Variants in CCDC152 observed in about 807,000 individuals in gnomAD.
CCDC152 encodes the protein coiled-coil domain containing 152.
In CCDC152, 37 loss-of-function variants were observed where a neutral mutation model predicts 38.1. That is an observed-to-expected ratio of 0.97 (90% confidence interval 0.75 to 1.28). The LOEUF is 1.28. Among genes scored for constraint, CCDC152 ranks in the 50% most tolerant of loss-of-function variants. The pLI is 0.00. For synonymous variants in CCDC152, 83 were observed against 87.1 expected (o/e 0.95, Z 0.26); for missense variants, 259 against 292.1 (o/e 0.89, Z 0.83).
chr5:42,801,187 G>A lies in CCDC152; in HGVS notation c.*1406G>A. On this transcript the variant is annotated 3_prime_UTR_variant, in exon 9 of 9. Coordinates refer to ENST00000361970, the MANE Select transcript of CCDC152 (RefSeq NM_001134848.2). Reference sequence around the variant, plus strand: ...GGAGCATTTGGTGCTCCTGGTTGCTGATTCTCTGAAAGCTCACTGCTGCCA... The same window carrying A: ...GGAGCATTTGGTGCTCCTGGTTGCTAATTCTCTGAAAGCTCACTGCTGCCA... The A allele has an allele frequency of 1.9e-6, 3 of 1,614,142 alleles. No homozygotes were observed. The highest frequency in any genetic ancestry group is 2.5e-6 in the Non-Finnish European group (3 of 1,180,022).
chr5:42,758,745 CAA>C (rs1171316872), intron 1 of CCDC152, among the ~76,000 whole-genome samples: 1 of 152,096 alleles, frequency 6.6e-6, no homozygotes, highest in African/African-American at 2.4e-5. Context: ...GTTTACCAAA[CAA>C]AATATAAGAA....
At chr5:42,798,667 C>G (rs776759695) in intron 7 of CCDC152, among the ~76,000 whole-genome samples, 7 of 152,164 alleles carry the variant, frequency 4.6e-5, no homozygotes, top group Non-Finnish European at 8.8e-5. Flanking sequence ...TTTCATTGTA[C>G]CTAACCATTT....
chr5:42,787,307 T>C (rs1425520506), intron 6 of CCDC152, among the ~76,000 whole-genome samples: 1 of 152,036 alleles, frequency 6.6e-6, no homozygotes, highest in African/African-American at 2.4e-5. Context: ...ATTTTAAAAT[T>C]CCTTTAGTGA....
rs558651120 is a variant in CCDC152 at position 42,769,646 on chromosome 5, A to C, written c.243A>C (p.Glu81Asp). 3 of 1,488,038 alleles carry C rather than the reference A, an allele frequency of 2.0e-6. No individual in the cohort carries two copies. The South Asian group carries it at 4.1e-5, about 20-fold the overall frequency. 92.2% of individuals were successfully genotyped at this position (1,488,038 alleles called of 1,614,324 possible). ...TAAAAGGGCTACAACAGACCATTGA[A>C]TATCAACAGAATTTGAAAGGTAAGT... Reference protein sequence around the residue: ...NIIKGLQQTIEYQQNLKGENE... With the variant: ...NIIKGLQQTIDYQQNLKGENE... Residue 81 changes from glutamate to aspartate, a missense_variant, in exon 4 of 9, where the codon GAA (glutamate) becomes GAC (aspartate). Coordinates refer to ENST00000361970, the MANE Select transcript of CCDC152 (RefSeq NM_001134848.2).
Position 42,799,665 on chromosome 5 carries a change from CA to C in CCDC152, c.650del (p.Gln217ArgfsTer21). On this transcript the variant is annotated frameshift_variant, in exon 9 of 9. Coordinates refer to ENST00000361970, the MANE Select transcript of CCDC152 (RefSeq NM_001134848.2). LOFTEE classifies it high-confidence loss of function. ...LPQSIYRRKLQHFQEEKNKEI... is the reference protein window; with the variant it reads ...LPQSIYRRKLXHFQEEKNKEI... The stretch of plus-strand genomic sequence containing the variant: ...AATTTTTTGTTTCGTTTAGAAACTT[CA>C]GCATTTTCAAGAAGAAAAAAACAAG... The C allele has an allele frequency of 6.5e-7, 1 of 1,544,086 alleles. No individual in the cohort carries two copies. Among genetic ancestry groups the C allele is most frequent in the Non-Finnish European group, 8.7e-7 (1 of 1,143,342 alleles).
intron 6 of CCDC152, among the ~76,000 whole-genome samples, chr5:42,793,406 C>T (rs1207397848): frequency 6.6e-6 from 1 of 152,034 alleles, no homozygotes; most frequent in Non-Finnish European, 1.5e-5. Context: ...CTATACGCCT[C>T]AAAAGAGATT....
rs1760214972 is a variant in CCDC152 at position 42,801,935 on chromosome 5, TA to T, written c.*2160del. On this transcript the variant is annotated 3_prime_UTR_variant, in exon 9 of 9. Coordinates refer to ENST00000361970, the MANE Select transcript of CCDC152 (RefSeq NM_001134848.2). ...CTATCTCAAAAAAATAAAAAATAAATAAAAAATCAGTTGAACTATATGGAAA... is the reference window on the plus strand; with the variant it reads ...CTATCTCAAAAAAATAAAAAATAAATAAAAATCAGTTGAACTATATGGAAA... The T allele has an allele frequency of 6.6e-6, 1 of 152,100 alleles. No individual in the cohort carries two copies. Among genetic ancestry groups the T allele is most frequent in the Non-Finnish European group, 1.5e-5 (1 of 68,074 alleles). 9.4% of individuals were successfully genotyped at this position (152,100 alleles called of 1,614,324 possible).
chr5:42,799,920 G>T lies in CCDC152; in HGVS notation c.*139G>T. On this transcript the variant is annotated 3_prime_UTR_variant, in exon 9 of 9. Coordinates refer to ENST00000361970, the MANE Select transcript of CCDC152 (RefSeq NM_001134848.2). ...TTATTGAATTTATTTGGACAAATCC[G>T]TACTGTATCCAATTCTGTACTGCAT... The T allele has an allele frequency of 1.1e-6, 1 of 931,442 alleles. No individual in the cohort carries two copies. Among genetic ancestry groups the T allele is most frequent in the Non-Finnish European group, 1.6e-6 (1 of 619,894 alleles). 57.7% of individuals were successfully genotyped at this position (931,442 alleles called of 1,614,324 possible). A position where few individuals can be genotyped will look rare whatever the true frequency, so the allele number is the denominator to read the frequency against.
chr5:42,781,195 C>T (rs1291271587), intron 5 of CCDC152, among the ~76,000 whole-genome samples: 1 of 152,166 alleles, frequency 6.6e-6, no homozygotes, highest in Admixed American at 6.5e-5. Flanking sequence ...GCTTAGTGCA[C>T]ACAGTTGTCA....
At chr5:42,766,206 A>C (rs181493910) in intron 3 of CCDC152, among the ~76,000 whole-genome samples, 12 of 152,338 alleles carry the variant, frequency 7.9e-5, no homozygotes, top group Admixed American at 3.3e-4. Context: ...AATCAAAACT[A>C]TAATGAAATC....
chr5:42,768,825 G>C (rs1311318544), intron 3 of CCDC152, among the ~76,000 whole-genome samples: 1 of 152,178 alleles, frequency 6.6e-6, no homozygotes, highest in Non-Finnish European at 1.5e-5. Flanking sequence ...TAGTTCCCCA[G>C]ATATATGCAG....
At position 42,797,874 on chromosome 5, in the gene CCDC152, G is replaced by A. The variant is rs1307859498; in HGVS notation, c.558+918G>A. Among the ~76,000 whole-genome samples, 6 of 151,980 alleles carry A rather than the reference G, an allele frequency of 3.9e-5. No individual in the cohort carries two copies. The East Asian group carries it at 1.2e-3, about 29-fold the overall frequency. On this transcript the variant is annotated intron_variant, in intron 7 of 8. Coordinates refer to ENST00000361970, the MANE Select transcript of CCDC152 (RefSeq NM_001134848.2). ...CTCAAAAGTCTTGAGTAGGCCGGGT[G>A]TGGTGGCTCACACCTATAATCCCAG...
chr5:42,783,866 T>C (rs1489274969), intron 6 of CCDC152, among the ~76,000 whole-genome samples: 1 of 152,156 alleles, frequency 6.6e-6, no homozygotes, highest in Non-Finnish European at 1.5e-5. Flanking sequence ...GTTTCTCAGT[T>C]AGTTCACTTA....
intron 3 of CCDC152, among the ~76,000 whole-genome samples, chr5:42,767,502 C>T (rs1023591797): frequency 6.6e-6 from 1 of 152,026 alleles, no homozygotes; most frequent in African/African-American, 2.4e-5. Flanking sequence ...AATATTCTGA[C>T]CTCTGGTTTT....
intron 3 of CCDC152, among the ~76,000 whole-genome samples, chr5:42,764,732 T>C (rs1006438170): frequency 1.3e-5 from 2 of 152,188 alleles, no homozygotes; most frequent in Non-Finnish European, 2.9e-5. Flanking sequence ...CATTCCTTCA[T>C]GATAAAAACC....
Position 42,759,173 on chromosome 5 carries a change from G to A in CCDC152, c.52G>A (p.Asp18Asn), listed in dbSNP as rs776583033. Reference sequence around the variant, plus strand: ...GAAAAAGATTAGCAGTGTGAATCTTGACAAACTTATAAATGACTTCTCACA... The same window carrying A: ...GAAAAAGATTAGCAGTGTGAATCTTAACAAACTTATAAATGACTTCTCACA... ...CMKKISSVNLDKLINDFSQIE... is the reference protein window; with the variant it reads ...CMKKISSVNLNKLINDFSQIE... Residue 18 changes from aspartate (D) to asparagine (N), a missense_variant, in exon 2 of 9, where the codon GAC (aspartate) becomes AAC (asparagine). Transcript: ENST00000361970. 5 of 1,550,664 alleles carry A rather than the reference G, an allele frequency of 3.2e-6. No individual in the cohort carries two copies. Among genetic ancestry groups the A allele is most frequent in the Non-Finnish European group, 3.5e-6 (4 of 1,146,304 alleles).
intron 3 of CCDC152, among the ~76,000 whole-genome samples, chr5:42,763,652 C>G (rs1759586341): frequency 6.6e-6 from 1 of 152,128 alleles, no homozygotes; most frequent in African/African-American, 2.4e-5. Context: ...AAACCCATAA[C>G]CCTAGTCTAA....
chr5:42,758,786 A>C (rs545166205), intron 1 of CCDC152, among the ~76,000 whole-genome samples: 1 of 152,380 alleles, frequency 6.6e-6, no homozygotes, highest in South Asian at 2.1e-4. Context: ...AACATCTGTG[A>C]CATGATAGTT....
chr5:42,779,271 T>C (rs745811184), intron 4 of CCDC152, among the ~76,000 whole-genome samples, 187 bp from the exon 5 acceptor site: 2 of 152,186 alleles, frequency 1.3e-5, no homozygotes, highest in Non-Finnish European at 2.9e-5. Flanking sequence ...AGGCTGTAAG[T>C]TCTTTGAAGA....
Sources: gnomAD v4.1 joint callset for allele counts (sites outside exome capture counted in the v4.1 genomes callset) on GRCh38, gnomAD v4.1.1 for gene constraint, MANE v1.5 for transcripts, NCBI Gene and HGNC (gene_info 2026-07-23, HGNC 2026-07-21) for gene names.